The following FOXO3 variants were observed in gnomAD, a reference collection of about 807,000 sequenced individuals.
FOXO3 encodes forkhead box O3.
In FOXO3, 4 loss-of-function variants were observed where a neutral mutation model predicts 41.9. The observed-to-expected ratio is 0.10, with a 90% CI of 0.05 to 0.22. The LOEUF is 0.22. Ranked by LOEUF, FOXO3 falls within the 10% of genes least tolerant of loss-of-function variation. FOXO3 has a pLI of 1.00. For synonymous variants in FOXO3, 318 were observed against 389.3 expected (o/e 0.82, Z 2.16); for missense variants, 534 against 906.8 (o/e 0.59, Z 5.28).
rs776502822 is a variant in FOXO3 at position 108,561,601 on chromosome 6, A to G, written c.393A>G (p.Gln131=). The change falls in exon 1 of 3, where the codon CAA becomes CAG. Residue 131 remains glutamine, a synonymous_variant. Transcript: ENST00000406360. ...CACAGGCGCTGCTGCAGCCTCAGCA[A>G]CCGCTGCCACCGCCGCAGCCGGGGG... ...GGTQALLQPQ[Q]PLPPPQPGAA... 1.1e-4 allele frequency: 163 copies of G among 1,519,626 alleles called. 1 individual carries two copies. The African/African-American group carries it at 1.9e-3, about 18-fold the overall frequency. 94.1% of individuals were successfully genotyped at this position (1,519,626 alleles called of 1,614,324 possible). A position where few individuals can be genotyped will look rare whatever the true frequency, so the allele number is the denominator to read the frequency against.
At chr6:108,675,281 C>G (rs886379318) in intron 2 of FOXO3, among the ~76,000 whole-genome samples, 1 of 152,208 alleles carries the variant, frequency 6.6e-6, no homozygotes, top group Non-Finnish European at 1.5e-5. Context: ...CTACCTCTCT[C>G]CCTGTGTCTC....
At chr6:108,632,349 T>C (rs1250993543) in intron 1 of FOXO3, among the ~76,000 whole-genome samples, 2 of 152,068 alleles carry the variant, frequency 1.3e-5, no homozygotes, top group South Asian at 2.1e-4. Flanking sequence ...TCTCTGTATC[T>C]GAGAGACTGC....
chr6:108,664,636 C>T lies in FOXO3; in HGVS notation c.1803C>T (p.Val601=). The change falls in exon 2 of 3, where the codon GTC becomes GTT. Residue 601 remains valine, a synonymous_variant. Coordinates refer to ENST00000406360, the MANE Select transcript of FOXO3 (RefSeq NM_001455.4). The part of the protein sequence containing the change: ...SLYSTSANLP[V]MGHEKFPSDL... Reference sequence around the variant, plus strand: ...ACTCAACTAGTGCAAACCTGCCCGTCATGGGCCATGAGAAGTTCCCCAGCG... The same window carrying T: ...ACTCAACTAGTGCAAACCTGCCCGTTATGGGCCATGAGAAGTTCCCCAGCG... 1 of 997,600 alleles carries T rather than the reference C, an allele frequency of 1.0e-6. No homozygotes were observed. Among genetic ancestry groups the T allele is most frequent in the Non-Finnish European group, 1.6e-6 (1 of 633,630 alleles). 61.8% of individuals were successfully genotyped at this position (997,600 alleles called of 1,614,324 possible).
intron 1 of FOXO3, among the ~76,000 whole-genome samples, chr6:108,642,811 G>A (rs886580211): frequency 6.6e-6 from 1 of 152,262 alleles, no homozygotes; most frequent in East Asian, 1.9e-4. Flanking sequence ...AACTTGCATT[G>A]TTTTGGACAG....
At chr6:108,585,852 G>A (rs906036325) in intron 1 of FOXO3, among the ~76,000 whole-genome samples, 2 of 152,172 alleles carry the variant, frequency 1.3e-5, no homozygotes, top group African/African-American at 4.8e-5. Context: ...GCTTAGAGGC[G>A]TCTGCAAAGT....
At chr6:108,594,271 T>G (rs77482835) in intron 1 of FOXO3, among the ~76,000 whole-genome samples, 2,434 of 152,312 alleles carry the variant, frequency 0.016, 64 homozygotes, top group African/African-American at 0.056. Flanking sequence ...GAAAACGGGT[T>G]AATAACTTTA....
intron 1 of FOXO3, among the ~76,000 whole-genome samples, chr6:108,595,810 T>C (rs1164008103): frequency 1.3e-5 from 2 of 152,186 alleles, no homozygotes; most frequent in African/African-American, 2.4e-5. Context: ...TGCACGTGGT[T>C]ATGAGGGGCC....
rs201342359 is a variant in FOXO3 at position 108,624,312 on chromosome 6, TA to T, written c.622-39130del. On this transcript the variant is annotated intron_variant, in intron 1 of 2. Coordinates refer to ENST00000406360, the MANE Select transcript of FOXO3 (RefSeq NM_001455.4). ...ACATTTCTTAAGGTAGAATAATGGT[TA>T]AAAAAAAAAAAACCTCTCAGTTTAC... Among the ~76,000 whole-genome samples the T allele has an allele frequency of 8.5e-3, 1,202 of 141,982 alleles. 19 individuals carry two copies. Among genetic ancestry groups the T allele is most frequent in the South Asian group, 0.05 (221 of 4,458 alleles). 93.1% of individuals were successfully genotyped at this position (141,982 alleles called of 152,430 possible). A position where few individuals can be genotyped will look rare whatever the true frequency, so the allele number is the denominator to read the frequency against.
chr6:108,676,598 C>T (rs1471162105), intron 2 of FOXO3, among the ~76,000 whole-genome samples: 4 of 152,184 alleles, frequency 2.6e-5, no homozygotes, highest in Non-Finnish European at 4.4e-5. Context: ...ATAAATCTCA[C>T]GGTTAACTAA....
intron 1 of FOXO3, among the ~76,000 whole-genome samples, chr6:108,627,353 T>C (rs533221654): frequency 1.4e-3 from 220 of 152,252 alleles, no homozygotes; most frequent in African/African-American, 5.2e-3. Context: ...GATGACTGCC[T>C]AGCTGGCTCA....
At chr6:108,648,122 A>C (rs1401058131) in intron 1 of FOXO3, among the ~76,000 whole-genome samples, 1 of 152,244 alleles carries the variant, frequency 6.6e-6, no homozygotes, top group Non-Finnish European at 1.5e-5. Context: ...AGGGCAGTCC[A>C]TAGACAAGTC....
At chr6:108,673,199 TG>T (rs1439803430) in intron 2 of FOXO3, among the ~76,000 whole-genome samples, 1 of 152,134 alleles carries the variant, frequency 6.6e-6, no homozygotes, top group Non-Finnish European at 1.5e-5. Flanking sequence ...AAGCACTCCC[TG>T]CCCCACTCGT....
chr6:108,607,830 A>G (rs2128368402), intron 1 of FOXO3, among the ~76,000 whole-genome samples: 1 of 152,342 alleles, frequency 6.6e-6, no homozygotes, highest in Non-Finnish European at 1.5e-5. Context: ...AGCTCCTGTT[A>G]GAGGGTTGGG....
intron 2 of FOXO3, among the ~76,000 whole-genome samples, chr6:108,668,399 C>T (rs1779117898): frequency 6.6e-6 from 1 of 152,130 alleles, no homozygotes; most frequent in African/African-American, 2.4e-5. Context: ...TCGTGAAGGG[C>T]ACTGTGTTCT....
chr6:108,593,419 T>A (rs1377582197), intron 1 of FOXO3, among the ~76,000 whole-genome samples: 1 of 151,866 alleles, frequency 6.6e-6, no homozygotes, highest in East Asian at 1.9e-4. Context: ...GGAGTCTCGC[T>A]CTGGCTGGAG....
At chr6:108,655,786 G>C (rs949285186) in intron 1 of FOXO3, among the ~76,000 whole-genome samples, 1 of 152,180 alleles carries the variant, frequency 6.6e-6, no homozygotes, top group African/African-American at 2.4e-5. Flanking sequence ...GCAGACCTCT[G>C]GGTCTCCCTG....
At chr6:108,575,093 T>TA (rs1776227049) in intron 1 of FOXO3, among the ~76,000 whole-genome samples, 1 of 152,186 alleles carries the variant, frequency 6.6e-6, no homozygotes, top group Non-Finnish European at 1.5e-5. Flanking sequence ...GACATAAAAT[T>TA]AAATACAATT....
At chr6:108,576,222 A>G (rs1444030265) in intron 1 of FOXO3, among the ~76,000 whole-genome samples, 3 of 152,196 alleles carry the variant, frequency 2.0e-5, no homozygotes, top group Non-Finnish European at 4.4e-5. Context: ...AATCAGTCCT[A>G]TTTAGTCTCC....
At chr6:108,593,712 C>CTTTTTTTTTTTTTT (rs34228633) in intron 1 of FOXO3, among the ~76,000 whole-genome samples, 8 of 83,330 alleles carry the variant, frequency 9.6e-5, no homozygotes, top group Non-Finnish European at 1.6e-4. Flanking sequence ...TTTTCTTCTT[C>CTTTTTTTTTTTTTT]TTTTTTTTTT....
Sources: allele counts gnomAD v4.1 joint callset (sites outside exome capture counted in the v4.1 genomes callset), GRCh38; gene constraint gnomAD v4.1.1; transcripts MANE v1.5; gene names NCBI Gene and HGNC (gene_info 2026-07-23, HGNC 2026-07-21).